Variants in TSPAN11 observed in about 807,000 individuals in gnomAD.
TSPAN11 encodes tetraspanin-11.
In TSPAN11, 29 loss-of-function variants were observed where a neutral mutation model predicts 32.9. The observed-to-expected ratio is 0.88, with a 90% CI of 0.66 to 1.20. The LOEUF is 1.20. Ranked by LOEUF, TSPAN11 falls within the 50% of genes most tolerant of loss-of-function variation. TSPAN11 has a pLI of 0.00. For missense variants in TSPAN11, 283 were observed against 329.1 expected, an observed-to-expected ratio of 0.86 and a Z score of 1.08; for synonymous variants, 140 against 141.3, an observed-to-expected ratio of 0.99 and a Z score of 0.07.
chr12:31,006,913 G>A, the TSPAN11 span, among the ~76,000 whole-genome samples: 1 of 152,178 alleles, frequency 6.6e-6, no homozygotes, highest in African/African-American at 2.4e-5. Context: ...TTCTCTGGGG[G>A]TGGGGCCCAC....
intron 7 of TSPAN11, chr12:30,988,371 C>G (rs1248700703): frequency 1.3e-5 from 2 of 152,294 alleles, no homozygotes; most frequent in Non-Finnish European, 2.9e-5. Flanking sequence ...AGGGGGATCA[C>G]AAGGTCAGGA....
Position 30,993,954 on chromosome 12 carries a change from CCTGCCCCAT to C in TSPAN11, c.*2048_*2056del, listed in dbSNP as rs1592502162. 1 of 152,416 alleles carries C rather than the reference CCTGCCCCAT, an allele frequency of 6.6e-6. No homozygotes were observed. Among genetic ancestry groups the C allele is most frequent in the East Asian group, 1.9e-4 (1 of 5,184 alleles). 9.4% of individuals were successfully genotyped at this position (152,416 alleles called of 1,614,324 possible). ...ATCATTGAAGGCAGGCCCAGGACAG[CCTGCCCCAT>C]CTGCCCCAGCCCCATGGGATGGTTG... On this transcript the variant is annotated 3_prime_UTR_variant, in exon 8 of 8. Coordinates refer to ENST00000546076, the MANE Select transcript of TSPAN11 (RefSeq NM_001370302.1).
rs1026428477 is a variant in TSPAN11 at position 30,926,791 on chromosome 12, G to A, written c.-17G>A. 2 of 377,958 alleles carry A rather than the reference G, an allele frequency of 5.3e-6. No homozygotes were observed. Among genetic ancestry groups the A allele is most frequent in the Non-Finnish European group, 8.7e-6 (2 of 229,080 alleles). The allele number at this position is 377,958 out of a possible 1,614,324, so 23.4% of individuals were successfully genotyped here. On this transcript the variant is annotated 5_prime_UTR_variant, in exon 1 of 8. Coordinates refer to ENST00000546076, the MANE Select transcript of TSPAN11 (RefSeq NM_001370302.1). ...TCCCTTCGCCGCTTCCGGAGCCCCT[G>A]GCAGGGTAAGTGCAGAAGCGCGCCC...
chr12:30,986,862 C>T (rs1431031431), intron 7 of TSPAN11: 1 of 152,224 alleles, frequency 6.6e-6, no homozygotes, highest in Non-Finnish European at 1.5e-5. Flanking sequence ...GATGAGAGTT[C>T]ACATCAGCTT....
intron 1 of TSPAN11, among the ~76,000 whole-genome samples, chr12:30,953,582 T>C (rs1453501695): frequency 6.6e-6 from 1 of 152,176 alleles, no homozygotes; most frequent in East Asian, 1.9e-4. Context: ...GTTCAAATGA[T>C]GCAGAGTGCA....
chr12:30,991,835 T>C (rs200450070), intron 7 of TSPAN11, 21 bp from the exon 8 acceptor site: 279 of 1,614,134 alleles, frequency 1.7e-4, no homozygotes, highest in Non-Finnish European at 2.0e-4. Context: ...TCTTTGCTCC[T>C]CTGCTCTCTC....
At position 30,971,553 on chromosome 12, in the gene TSPAN11, G is replaced by A. The variant is rs2352618; in HGVS notation, c.277-7008G>A. ...CCAGGAGTTTGTGACCAGCCTGAGC[G>A]ATATGGTGAGACCCTATCTCTACAA... On this transcript the variant is annotated intron_variant, in intron 3 of 7. Transcript: ENST00000546076. Among the ~76,000 whole-genome samples the A allele has an allele frequency of 0.034, 5,236 of 152,148 alleles. 522 individuals are homozygous for A. The East Asian group carries it at 0.37, about 11-fold the overall frequency.
chr12:30,945,657 G>A (rs1057269946), intron 1 of TSPAN11, among the ~76,000 whole-genome samples: 2 of 152,030 alleles, frequency 1.3e-5, no homozygotes, highest in Admixed American at 1.3e-4. Context: ...TGTCTTCTCG[G>A]TGCTTGAGCC....
intron 2 of TSPAN11, among the ~76,000 whole-genome samples, chr12:30,956,041 C>T (rs1192527424): frequency 2.0e-5 from 3 of 152,160 alleles, no homozygotes; most frequent in African/African-American, 4.8e-5. Context: ...GGGCAGGAGA[C>T]GGTGGTGACT....
rs766262105 is a variant in TSPAN11, at chr12:30,954,031, A to T, written c.40A>T (p.Ile14Phe). ...YKTEQDDWLIIYLKYLLFVFN... is the reference protein window; with the variant it reads ...YKTEQDDWLIFYLKYLLFVFN... ...GACTGAGCAGGACGACTGGCTGATC[A>T]TCTACTTGAAGTATTTACTCTTTGT... The change falls in exon 2 of 8, where the codon ATC becomes TTC. Residue 14 changes from isoleucine to phenylalanine, a missense_variant. Ile to Phe is a conservative substitution (Grantham distance 21). Coordinates refer to ENST00000546076, the MANE Select transcript of TSPAN11 (RefSeq NM_001370302.1). The T allele has an allele frequency of 1.2e-6, 2 of 1,613,780 alleles. No homozygotes were observed. Among genetic ancestry groups the T allele is most frequent in the Admixed American group, 3.3e-5 (2 of 59,992 alleles).
intron 7 of TSPAN11, among the ~76,000 whole-genome samples, chr12:30,985,128 CTG>C (rs1939175744): frequency 6.6e-6 from 1 of 152,120 alleles, no homozygotes; most frequent in Admixed American, 6.5e-5. Context: ...GCCTAACACA[CTG>C]GGAGGAGGGT....
At chr12:30,979,487 G>T in intron 4 of TSPAN11, 79 bp from the exon 5 acceptor site, 1 of 1,282,502 alleles carries the variant, frequency 7.8e-7, no homozygotes, top group Non-Finnish European at 1.1e-6. Flanking sequence ...TTAGCTGGGG[G>T]GAGTTGGAAG....
the TSPAN11 span, among the ~76,000 whole-genome samples, chr12:31,010,518 G>A: frequency 2.6e-5 from 4 of 152,166 alleles, no homozygotes; most frequent in Admixed American, 6.5e-5. Context: ...CTCAGGCTGG[G>A]CATGGTGACT....
chr12:30,929,211 G>C (rs888822129), intron 1 of TSPAN11, among the ~76,000 whole-genome samples: 3 of 152,176 alleles, frequency 2.0e-5, no homozygotes, highest in Admixed American at 2.0e-4. Flanking sequence ...AGAAGACTTA[G>C]AGGGGTCTTT....
chr12:30,987,877 G>C (rs965706738), intron 7 of TSPAN11, among the ~76,000 whole-genome samples: 4 of 150,170 alleles, frequency 2.7e-5, no homozygotes, highest in African/African-American at 9.9e-5. Flanking sequence ...AGGTTCCAGA[G>C]GACAGAAGGG....
At position 30,953,590 on chromosome 12, in the gene TSPAN11, GC is replaced by G. The variant is rs576773044; in HGVS notation, c.-11-390del. 2.9e-3 allele frequency among the ~76,000 whole-genome samples: 435 copies of G among 152,324 alleles called. 1 individual carries two copies. Among genetic ancestry groups the G allele is most frequent in the African/African-American group, 1.0e-2 (414 of 41,558 alleles). On this transcript the variant is annotated intron_variant, in intron 1 of 7. Coordinates refer to ENST00000546076, the MANE Select transcript of TSPAN11 (RefSeq NM_001370302.1). The stretch of plus-strand genomic sequence containing the variant: ...GAGTCCTGTTCAAATGATGCAGAGT[GC>G]AAGTTTCCTATGCAAAGTAGTGATG...
At chr12:31,009,758 C>A in the TSPAN11 span, among the ~76,000 whole-genome samples, 1 of 152,282 alleles carries the variant, frequency 6.6e-6, no homozygotes, top group South Asian at 2.1e-4. Flanking sequence ...GAAGCAGTGT[C>A]ATAAGGCCAA....
intron 1 of TSPAN11, among the ~76,000 whole-genome samples, chr12:30,943,138 G>A (rs999438226): frequency 2.0e-5 from 3 of 152,188 alleles, no homozygotes; most frequent in East Asian, 1.9e-4. Context: ...CTTAAGGGTC[G>A]GAGAACACTG....
intron 1 of TSPAN11, among the ~76,000 whole-genome samples, chr12:30,928,210 GTC>G (rs1937843024): frequency 2.0e-5 from 3 of 152,204 alleles, no homozygotes; most frequent in Non-Finnish European, 4.4e-5. Flanking sequence ...ATGTCTTTAA[GTC>G]TGCCTAGAGC....
Sources: gnomAD v4.1 joint callset for allele counts (sites outside exome capture counted in the v4.1 genomes callset) on GRCh38, gnomAD v4.1.1 for gene constraint, MANE v1.5 for transcripts, NCBI Gene and HGNC (gene_info 2026-07-23, HGNC 2026-07-21) for gene names.